Variants in HSF2BP observed in about 807,000 individuals in gnomAD.
The protein encoded by HSF2BP is heat shock factor 2-binding protein.
Under a neutral mutation model 35.0 loss-of-function variants are expected in HSF2BP, and 35 were observed. The observed-to-expected ratio is 1.00, with a 90% confidence interval of 0.76 to 1.32. HSF2BP has a LOEUF of 1.32. Ranked by LOEUF, HSF2BP falls within the 40% of genes most tolerant of loss-of-function variation. HSF2BP has a pLI of 0.00. For missense variants in HSF2BP, 326 were observed against 321.7 expected, an observed-to-expected ratio of 1.01 and a Z score of -0.10; for synonymous variants, 114 against 117.4, an observed-to-expected ratio of 0.97 and a Z score of 0.18.
chr21:43,468,038 CCACACA>C, the HSF2BP span, among the ~76,000 whole-genome samples: 2 of 136,692 alleles, frequency 1.5e-5, no homozygotes, highest in Non-Finnish European at 3.2e-5. Flanking sequence ...ACACACCACA[CCACACA>C]CAACCATACC....
intron 6 of HSF2BP, among the ~76,000 whole-genome samples, chr21:43,628,675 CAA>C (rs1280180872): frequency 6.6e-6 from 1 of 152,230 alleles, no homozygotes; most frequent in Non-Finnish European, 1.5e-5. Flanking sequence ...TCAATGTAGA[CAA>C]AGTCGCTTTC....
At chr21:43,637,732 G>A (rs2082583097) in intron 4 of HSF2BP, among the ~76,000 whole-genome samples, 1 of 151,512 alleles carries the variant, frequency 6.6e-6, no homozygotes, top group Non-Finnish European at 1.5e-5. Flanking sequence ...TTGGGCCCAG[G>A]AGTTCAAGGC....
chr21:43,607,013 G>A (rs1034175558), intron 7 of HSF2BP, among the ~76,000 whole-genome samples: 1 of 152,202 alleles, frequency 6.6e-6, no homozygotes, highest in Non-Finnish European at 1.5e-5. Flanking sequence ...GAGGCCAGGT[G>A]TGGTGGCTCA....
At chr21:43,574,185 C>A (rs1373093653) in intron 8 of HSF2BP, among the ~76,000 whole-genome samples, 4 of 152,322 alleles carry the variant, frequency 2.6e-5, no homozygotes, top group African/African-American at 7.2e-5. Flanking sequence ...CATCATCTCG[C>A]CCTTTCAACC....
At chr21:43,647,945 A>C (rs1327040468) in intron 3 of HSF2BP, among the ~76,000 whole-genome samples, 1 of 151,654 alleles carries the variant, frequency 6.6e-6, no homozygotes, top group Non-Finnish European at 1.5e-5. Flanking sequence ...AAAAAAAAAA[A>C]AAAAAAACTA....
chr21:43,657,837 A>G lies in HSF2BP; in HGVS notation c.36+224T>C, dbSNP rs144784705. Reference sequence around the variant, plus strand: ...GCCACTGAGTGCCCCCACCACGCGCAGCCTCACAGACCGGGTCCCCGCGTG... The same window carrying G: ...GCCACTGAGTGCCCCCACCACGCGCGGCCTCACAGACCGGGTCCCCGCGTG... On this transcript the variant is annotated intron_variant, in intron 2 of 8. Coordinates refer to ENST00000291560, the MANE Select transcript of HSF2BP (RefSeq NM_007031.2). 193 of 985,416 alleles carry G rather than the reference A, an allele frequency of 2.0e-4. No homozygotes were observed. The East Asian group carries it at 0.018, about 90-fold the overall frequency. 61.0% of individuals were successfully genotyped at this position (985,416 alleles called of 1,614,324 possible). A position where few individuals can be genotyped will look rare whatever the true frequency, so the allele number is the denominator to read the frequency against.
At chr21:43,613,268 C>T (rs1032155781) in intron 7 of HSF2BP, among the ~76,000 whole-genome samples, 2 of 152,190 alleles carry the variant, frequency 1.3e-5, no homozygotes, top group Non-Finnish European at 2.9e-5. Context: ...CCACAGCTGA[C>T]CAGCCAGCTG....
chr21:43,619,738 C>T (rs1004883222), intron 6 of HSF2BP, among the ~76,000 whole-genome samples: 1 of 152,176 alleles, frequency 6.6e-6, no homozygotes, highest in Non-Finnish European at 1.5e-5. Flanking sequence ...ACTGTAAGTA[C>T]CTGAAGGGAA....
chr21:43,591,641 C>T (rs2081926697), intron 8 of HSF2BP, among the ~76,000 whole-genome samples: 1 of 152,226 alleles, frequency 6.6e-6, no homozygotes, highest in African/African-American at 2.4e-5. Flanking sequence ...TACAGAAGAA[C>T]AGGTATACAG....
intron 6 of HSF2BP, among the ~76,000 whole-genome samples, chr21:43,614,246 C>T (rs1225083210): frequency 6.6e-6 from 1 of 151,522 alleles, no homozygotes; most frequent in Admixed American, 6.6e-5. Context: ...ACCTGTAGTC[C>T]TAGCTATTCA....
chr21:43,581,564 T>A (rs2081732521), intron 8 of HSF2BP, among the ~76,000 whole-genome samples: 1 of 152,112 alleles, frequency 6.6e-6, no homozygotes, highest in Non-Finnish European at 1.5e-5. Context: ...CTTCAGCAAC[T>A]GACAACACAG....
intron 7 of HSF2BP, among the ~76,000 whole-genome samples, chr21:43,592,669 G>A (rs1433502994): frequency 2.0e-5 from 3 of 152,128 alleles, no homozygotes; most frequent in Non-Finnish European, 4.4e-5. Flanking sequence ...CAATTTGTAA[G>A]AGTACTATAC....
At position 43,579,401 on chromosome 21, in the gene HSF2BP, A is replaced by G. The variant is rs1442104585; in HGVS notation, c.796+12824T>C. On this transcript the variant is annotated intron_variant, in intron 8 of 8. Transcript: ENST00000291560. Reference sequence around the variant, plus strand: ...AGCAAGCATTATATTTTAGTAGCCTACTTTGATGCCACAGATGCCACCGTC... The same window carrying G: ...AGCAAGCATTATATTTTAGTAGCCTGCTTTGATGCCACAGATGCCACCGTC... 1.3e-5 allele frequency among the ~76,000 whole-genome samples: 2 copies of G among 152,244 alleles called. 1 individual carries two copies. Among genetic ancestry groups the G allele is most frequent in the Non-Finnish European group, 2.9e-5 (2 of 68,046 alleles).
At chr21:43,577,551 T>C (rs1238604689) in intron 8 of HSF2BP, among the ~76,000 whole-genome samples, 2 of 152,224 alleles carry the variant, frequency 1.3e-5, no homozygotes, top group African/African-American at 4.8e-5. Context: ...AGGCTGGCAT[T>C]CGGGGCCACA....
chr21:43,611,277 A>C (rs771161871), intron 7 of HSF2BP, among the ~76,000 whole-genome samples: 4 of 152,150 alleles, frequency 2.6e-5, no homozygotes, highest in African/African-American at 4.8e-5. Context: ...TATATGTTAC[A>C]CTGTATTATA....
chr21:43,610,814 G>A (rs1241289753), intron 7 of HSF2BP, among the ~76,000 whole-genome samples: 1 of 152,032 alleles, frequency 6.6e-6, no homozygotes, highest in African/African-American at 2.4e-5. Flanking sequence ...ATTTCCTCTG[G>A]GAAAACTCCT....
chr21:43,598,064 G>A (rs1473321780), intron 7 of HSF2BP, among the ~76,000 whole-genome samples: 1 of 152,266 alleles, frequency 6.6e-6, no homozygotes, highest in East Asian at 1.9e-4. Flanking sequence ...TAGTAAGACT[G>A]GACACAATAA....
At chr21:43,640,800 CAA>C (rs773035962) in intron 4 of HSF2BP, among the ~76,000 whole-genome samples, 6 of 134,096 alleles carry the variant, frequency 4.5e-5, no homozygotes, top group Admixed American at 7.4e-5. Flanking sequence ...AAATTTTAAC[CAA>C]AAAAAAAAAA....
chr21:43,639,048 A>G (rs994028582), intron 4 of HSF2BP, among the ~76,000 whole-genome samples: 13 of 152,226 alleles, frequency 8.5e-5, no homozygotes, highest in Non-Finnish European at 1.8e-4. Context: ...TGAAGGAGAG[A>G]GAGTCTTTTT....
Sources: allele counts gnomAD v4.1 joint callset (sites outside exome capture counted in the v4.1 genomes callset), GRCh38; gene constraint gnomAD v4.1.1; transcripts MANE v1.5; gene names NCBI Gene and HGNC (gene_info 2026-07-23, HGNC 2026-07-21).